Variants in F13A1 observed in about 807,000 individuals in gnomAD.
The protein encoded by F13A1 is coagulation factor XIII A chain, also known as FSF, A subunit.
F13A1 carries 47 observed loss-of-function variants against 80.1 expected under a neutral mutation model. The ratio of observed to expected loss-of-function variants is 0.59; its 90% CI spans 0.46 to 0.75. The LOEUF is 0.75. Among genes scored for constraint, F13A1 ranks in the 30% least tolerant of loss-of-function variants. F13A1 has a pLI of 0.00. For missense variants in F13A1, 817 were observed against 930.4 expected, an observed-to-expected ratio of 0.88 and a Z score of 1.59; for synonymous variants, 349 against 344.9, an observed-to-expected ratio of 1.01 and a Z score of -0.13.
chr6:6,298,850 T>C (rs1363955733), intron 3 of F13A1, among the ~76,000 whole-genome samples: 1 of 149,366 alleles, frequency 6.7e-6, no homozygotes, highest in Non-Finnish European at 1.5e-5. Context: ...GTCTTGATGG[T>C]CTTTACATTT....
At chr6:6,251,753 G>A (rs1436323431) in intron 4 of F13A1, among the ~76,000 whole-genome samples, 4 of 152,196 alleles carry the variant, frequency 2.6e-5, no homozygotes, top group Non-Finnish European at 4.4e-5. Context: ...AATGCAAAAG[G>A]AATGGTAGAA....
intron 6 of F13A1, among the ~76,000 whole-genome samples, chr6:6,239,933 C>G (rs1278510712): frequency 6.6e-6 from 1 of 152,038 alleles, no homozygotes; most frequent in African/African-American, 2.4e-5. Flanking sequence ...TGAAGGGAAC[C>G]CAAGGTGCAT....
rs1213550040 is a variant in F13A1 at position 6,316,099 on chromosome 6, A to G, written c.130+2436T>C. Among the ~76,000 whole-genome samples, 12 of 27,684 alleles carry G rather than the reference A, an allele frequency of 4.3e-4. 2 individuals are homozygous for G. The South Asian group carries it at 7.7e-3, about 18-fold the overall frequency. The allele number at this position is 27,684 out of a possible 152,430, so 18.2% of individuals were successfully genotyped here. A position where few individuals can be genotyped will look rare whatever the true frequency, so the allele number is the denominator to read the frequency against. On this transcript the variant is annotated intron_variant, in intron 2 of 14. Transcript: ENST00000264870. ...TGTGCATATATATATATATATATAT[A>G]TATATATATATATATATATATATAT... is the stretch of plus-strand genomic sequence containing the variant.
chr6:6,144,733 A>G lies in F13A1; in HGVS notation c.*886T>C, dbSNP rs951967911. The G allele has an allele frequency of 2.0e-5, 3 of 152,534 alleles. No homozygotes were observed. The highest frequency in any genetic ancestry group is 2.9e-5 in the Non-Finnish European group (2 of 68,042). 9.4% of individuals were successfully genotyped at this position (152,534 alleles called of 1,614,324 possible). ...TTGTTGGGCTTATTATATCTCTGAA[A>G]GGGGACCTGAACCTGCATCATTCTG... is the stretch of plus-strand genomic sequence containing the variant. On this transcript the variant is annotated 3_prime_UTR_variant, in exon 15 of 15. Transcript: ENST00000264870.
chr6:6,181,216 T>C (rs1053352858), intron 11 of F13A1, among the ~76,000 whole-genome samples: 4 of 152,206 alleles, frequency 2.6e-5, no homozygotes, highest in Non-Finnish European at 5.9e-5. Context: ...TCTTCTCAAG[T>C]CTTTTTCTGA....
intron 4 of F13A1, among the ~76,000 whole-genome samples, chr6:6,255,260 C>A (rs749326188): frequency 1.2e-4 from 19 of 152,006 alleles, no homozygotes; most frequent in Non-Finnish European, 2.8e-4. Flanking sequence ...CATTGTTATA[C>A]TGCTTATTTA....
chr6:6,239,745 A>G (rs1183998948), intron 6 of F13A1, among the ~76,000 whole-genome samples: 1 of 152,206 alleles, frequency 6.6e-6, no homozygotes, highest in Non-Finnish European at 1.5e-5. Flanking sequence ...AAGGTCTCCA[A>G]GTGTGGCCTG....
At chr6:6,242,318 C>T (rs1026778498) in intron 6 of F13A1, among the ~76,000 whole-genome samples, 1 of 152,060 alleles carries the variant, frequency 6.6e-6, no homozygotes, top group South Asian at 2.1e-4. Flanking sequence ...CATCGAACAT[C>T]GATTGGTTAA....
chr6:6,252,816 G>C (rs534122543), intron 4 of F13A1, among the ~76,000 whole-genome samples: 4 of 152,216 alleles, frequency 2.6e-5, no homozygotes, highest in Admixed American at 6.5e-5. Flanking sequence ...CAGAAGTTTT[G>C]GAACTTTGCA....
rs533120646 is a variant in F13A1 at position 6,279,484 on chromosome 6, G to C, written c.320-12675C>G. ...ATGTTTCCATATTTCTTGGGTTTCTGACCCCTCGTGCTGGGGTCTGGAAGC... is the reference window on the plus strand; with the variant it reads ...ATGTTTCCATATTTCTTGGGTTTCTCACCCCTCGTGCTGGGGTCTGGAAGC... On this transcript the variant is annotated intron_variant, in intron 3 of 14. Coordinates refer to ENST00000264870, the MANE Select transcript of F13A1 (RefSeq NM_000129.4). Among the ~76,000 whole-genome samples, 32 of 152,282 alleles carry C rather than the reference G, an allele frequency of 2.1e-4. 2 individuals are homozygous for C. Among genetic ancestry groups the C allele is most frequent in the Admixed American group, 1.6e-3 (25 of 15,296 alleles).
chr6:6,292,751 T>C (rs938988270), intron 3 of F13A1, among the ~76,000 whole-genome samples: 2 of 152,192 alleles, frequency 1.3e-5, no homozygotes, highest in Non-Finnish European at 1.5e-5. Context: ...GAGCGGGTGA[T>C]GAACAACCTG....
At chr6:6,199,523 A>AATT (rs1761355174) in intron 8 of F13A1, among the ~76,000 whole-genome samples, 1 of 151,750 alleles carries the variant, frequency 6.6e-6, no homozygotes, top group Admixed American at 6.6e-5. Context: ...GTACTATTAT[A>AATT]ATTACCCCCA....
intron 13 of F13A1, among the ~76,000 whole-genome samples, chr6:6,161,266 T>A (rs1760567651): frequency 6.6e-6 from 1 of 152,064 alleles, no homozygotes; most frequent in Non-Finnish European, 1.5e-5. Context: ...AGGGCCACAC[T>A]CAGGCCACTG....
At chr6:6,218,423 G>A (rs1561658712) in intron 8 of F13A1, among the ~76,000 whole-genome samples, 1 of 152,186 alleles carries the variant, frequency 6.6e-6, no homozygotes, top group Non-Finnish European at 1.5e-5. Context: ...GTGATTCATA[G>A]CTGCCTTCCC....
At chr6:6,187,984 C>A (rs1422422228) in intron 10 of F13A1, among the ~76,000 whole-genome samples, 3 of 149,814 alleles carry the variant, frequency 2.0e-5, no homozygotes, top group Admixed American at 6.7e-5. Context: ...TTATCCATTT[C>A]TTCTATATTT....
At chr6:6,309,281 A>G (rs1305995117) in intron 2 of F13A1, among the ~76,000 whole-genome samples, 2 of 152,200 alleles carry the variant, frequency 1.3e-5, no homozygotes, top group Non-Finnish European at 2.9e-5. Flanking sequence ...ATTATGACAC[A>G]GTGTCAGACA....
intron 6 of F13A1, among the ~76,000 whole-genome samples, chr6:6,242,443 G>GCATA (rs1757495364): frequency 6.6e-6 from 1 of 152,168 alleles, no homozygotes; most frequent in Non-Finnish European, 1.5e-5. Flanking sequence ...AAAAATAAAT[G>GCATA]CATACATCTC....
rs34960466 is a variant in F13A1, at chr6:6,210,324, GATAT to G, written c.1112+11705_1112+11708del. ...GAATTTTGTAAATTTTGTAGCATGT[GATAT>G]ATATATATATATATATATATTTCTT... On this transcript the variant is annotated intron_variant, in intron 8 of 14. Transcript: ENST00000264870. Among the ~76,000 whole-genome samples, 73 of 82,872 alleles carry G rather than the reference GATAT, an allele frequency of 8.8e-4. 4 individuals are homozygous for G. Among genetic ancestry groups the G allele is most frequent in the African/African-American group, 2.9e-3 (59 of 20,066 alleles). 54.4% of individuals were successfully genotyped at this position (82,872 alleles called of 152,430 possible).
At chr6:6,258,958 T>C (rs755190136) in intron 4 of F13A1, among the ~76,000 whole-genome samples, 3 of 152,222 alleles carry the variant, frequency 2.0e-5, no homozygotes, top group Non-Finnish European at 4.4e-5. Flanking sequence ...CTTATTTTAG[T>C]ACTTTTTACA....
Sources: gnomAD v4.1 joint callset for allele counts (sites outside exome capture counted in the v4.1 genomes callset) on GRCh38, gnomAD v4.1.1 for gene constraint, MANE v1.5 for transcripts, NCBI Gene and HGNC (gene_info 2026-07-23, HGNC 2026-07-21) for gene names.